The following RARB variants were observed in gnomAD, a reference collection of about 807,000 sequenced individuals.
The protein encoded by RARB is HBV-activated protein.
In RARB, 17 loss-of-function variants were observed where a neutral mutation model predicts 51.9. The ratio of observed to expected loss-of-function variants is 0.33; its 90% confidence interval spans 0.22 to 0.49. The LOEUF (loss-of-function observed/expected upper bound fraction) is 0.49. RARB is among the 20% of genes least tolerant of loss of function. The pLI is 0.99. For synonymous variants in RARB, 215 were observed against 195.4 expected (o/e 1.10, Z -0.84); for missense variants, 369 against 550.8 (o/e 0.67, Z 3.30).
intron 2 of RARB, among the ~76,000 whole-genome samples, chr3:25,041,998 T>G (rs914394174): frequency 6.6e-6 from 1 of 152,166 alleles, no homozygotes; most frequent in South Asian, 2.1e-4. Context: ...AAACAATCAA[T>G]GAGAGAAGGT....
At chr3:25,180,139 A>G (rs1700833221) in intron 5 of RARB, among the ~76,000 whole-genome samples, 1 of 152,206 alleles carries the variant, frequency 6.6e-6, no homozygotes, top group African/African-American at 2.4e-5. Flanking sequence ...CGTAGAGGCC[A>G]TCATAAAGAC....
intron 2 of RARB, among the ~76,000 whole-genome samples, chr3:24,983,357 A>G (rs1696718062): frequency 6.6e-6 from 1 of 151,522 alleles, no homozygotes; most frequent in Non-Finnish European, 1.5e-5. Flanking sequence ...TTATGGTAAG[A>G]CTTTTTATAT....
At chr3:24,987,616 C>T (rs1184931845) in intron 2 of RARB, among the ~76,000 whole-genome samples, 1 of 152,238 alleles carries the variant, frequency 6.6e-6, no homozygotes, top group Non-Finnish European at 1.5e-5. Context: ...GACTGTTCTA[C>T]ACCACTAATG....
At chr3:25,190,776 T>C (rs924400) in intron 5 of RARB, among the ~76,000 whole-genome samples, 146,704 of 152,200 alleles carry the variant, frequency 0.96, 70,720 homozygotes, top group African/African-American at 0.98. Flanking sequence ...GCGTGCTGCT[T>C]AGAATGAGTT....
Position 24,990,036 on chromosome 3 carries a change from T to C in RARB, c.-379-70089T>C, listed in dbSNP as rs1194702083. Among the ~76,000 whole-genome samples, 3 of 101,746 alleles carry C rather than the reference T, an allele frequency of 2.9e-5. 1 individual carries two copies. Among genetic ancestry groups the C allele is most frequent in the Non-Finnish European group, 5.9e-5 (3 of 51,088 alleles). The allele number at this position is 101,746 out of a possible 152,430, so 66.7% of individuals were successfully genotyped here. Reference sequence around the variant, plus strand: ...GGATGGTCTCGATCTCCTGACCTCATGATCCACCCGCCTCGGCCTCCCAAA... The same window carrying C: ...GGATGGTCTCGATCTCCTGACCTCACGATCCACCCGCCTCGGCCTCCCAAA... On this transcript the variant is annotated intron_variant, in intron 2 of 11. Transcript: ENST00000383772.
intron 5 of RARB, among the ~76,000 whole-genome samples, chr3:25,348,801 C>G (rs1282938738): frequency 6.6e-6 from 1 of 152,166 alleles, no homozygotes; most frequent in African/African-American, 2.4e-5. Context: ...AGTACGCATC[C>G]AAGCCAACTG....
At chr3:24,889,500 A>G (rs1213104468) in intron 2 of RARB, among the ~76,000 whole-genome samples, 4 of 152,164 alleles carry the variant, frequency 2.6e-5, no homozygotes, top group Non-Finnish European at 5.9e-5. Flanking sequence ...TTTATTTCCA[A>G]AGAAATTTTT....
chr3:25,310,260 A>T (rs146063320), intron 5 of RARB, among the ~76,000 whole-genome samples: 7 of 152,282 alleles, frequency 4.6e-5, no homozygotes, highest in Non-Finnish European at 8.8e-5. Context: ...CTCATAATGG[A>T]TATGGAGCAT....
chr3:25,127,328 C>A (rs1206996811), intron 3 of RARB, among the ~76,000 whole-genome samples: 1 of 152,148 alleles, frequency 6.6e-6, no homozygotes, highest in Admixed American at 6.5e-5. Context: ...CTTCTATCAA[C>A]TCCTTGAACT....
At chr3:25,380,290 C>G (rs938589331) in intron 5 of RARB, among the ~76,000 whole-genome samples, 1 of 152,160 alleles carries the variant, frequency 6.6e-6, no homozygotes. Flanking sequence ...CGTCCATCCT[C>G]TTTCCCACTC....
intron 2 of RARB, among the ~76,000 whole-genome samples, chr3:25,053,988 G>A (rs1249752327): frequency 6.6e-6 from 1 of 152,034 alleles, no homozygotes; most frequent in Non-Finnish European, 1.5e-5. Context: ...CTCCTACTCT[G>A]GGCCTGGCGC....
At chr3:25,001,622 A>G (rs1167864427) in intron 2 of RARB, among the ~76,000 whole-genome samples, 1 of 152,172 alleles carries the variant, frequency 6.6e-6, no homozygotes, top group Non-Finnish European at 1.5e-5. Flanking sequence ...TTGCATTCTA[A>G]CATGCTCCTT....
intron 5 of RARB, among the ~76,000 whole-genome samples, chr3:25,405,515 T>A (rs1022092771): frequency 2.0e-5 from 3 of 152,230 alleles, no homozygotes; most frequent in Admixed American, 6.5e-5. Context: ...TGGCTTGTTA[T>A]GTGGCTAGAG....
At position 25,030,186 on chromosome 3, in the gene RARB, T is replaced by C. The variant is rs1025421513; in HGVS notation, c.-379-29939T>C. On this transcript the variant is annotated intron_variant, in intron 2 of 11. Coordinates refer to the RARB transcript ENST00000383772. ...ACCTTCTGCCTGAGCCTGTGCAAGA[T>C]TGAGAAAGACAGGGGAGAGGAAGAA... Among the ~76,000 whole-genome samples the C allele has an allele frequency of 7.1e-4, 108 of 152,342 alleles. 1 individual carries two copies. Among genetic ancestry groups the C allele is most frequent in the African/African-American group, 2.5e-3 (103 of 41,582 alleles).
At chr3:25,571,670 C>T (rs1242076875) in intron 4 of RARB, among the ~76,000 whole-genome samples, 2 of 152,208 alleles carry the variant, frequency 1.3e-5, no homozygotes, top group African/African-American at 2.4e-5. Context: ...TGGAACCACA[C>T]GAATGTACTT....
chr3:25,199,898 A>G (rs1158858703), intron 5 of RARB, among the ~76,000 whole-genome samples: 2 of 152,198 alleles, frequency 1.3e-5, no homozygotes, highest in African/African-American at 2.4e-5. Context: ...TAGTGCCACA[A>G]TAAACATATG....
At chr3:25,129,569 C>G (rs957180549) in intron 3 of RARB, among the ~76,000 whole-genome samples, 1 of 151,962 alleles carries the variant, frequency 6.6e-6, no homozygotes, top group Admixed American at 6.6e-5. Context: ...AAATTATAGT[C>G]ATAGACTACA....
chr3:25,263,028 T>A (rs1394480354), intron 5 of RARB, among the ~76,000 whole-genome samples: 1 of 152,144 alleles, frequency 6.6e-6, no homozygotes, highest in Non-Finnish European at 1.5e-5. Flanking sequence ...AATTCAAATG[T>A]CTAGTGATAA....
chr3:25,166,048 T>C (rs1481131664), intron 4 of RARB, among the ~76,000 whole-genome samples: 1 of 152,068 alleles, frequency 6.6e-6, no homozygotes, highest in Non-Finnish European at 1.5e-5. Flanking sequence ...GCTATTTAGA[T>C]TTCATCCTCC....
Sources: allele counts gnomAD v4.1 joint callset (sites outside exome capture counted in the v4.1 genomes callset), GRCh38; gene constraint gnomAD v4.1.1; transcripts MANE v1.5; gene names NCBI Gene and HGNC (gene_info 2026-07-23, HGNC 2026-07-21).